The following TMPRSS15 variants were observed in gnomAD, a reference collection of about 807,000 sequenced individuals.
The protein encoded by TMPRSS15 is enteropeptidase.
A neutral mutation model predicts 125.3 loss-of-function variants in TMPRSS15; 128 were observed. The ratio of observed to expected loss-of-function variants is 1.02; its 90% CI spans 0.89 to 1.18. TMPRSS15 has a LOEUF of 1.18. Among genes scored for constraint, TMPRSS15 ranks in the 50% most tolerant of loss-of-function variants. The probability of loss-of-function intolerance (pLI) is 0.00; values close to 1 mark genes in which losing one functional copy is unlikely to be tolerated. For missense variants in TMPRSS15, 1,283 were observed against 1,212.7 expected, an observed-to-expected ratio of 1.06 and a Z score of -0.86; for synonymous variants, 446 against 423.2, an observed-to-expected ratio of 1.05 and a Z score of -0.66.
intron 13 of TMPRSS15, among the ~76,000 whole-genome samples, chr21:18,333,984 C>T (rs2075368159): frequency 6.6e-6 from 1 of 151,742 alleles, no homozygotes; most frequent in Admixed American, 6.6e-5. Context: ...TAAATATATT[C>T]TTTTCTATTA....
intron 3 of TMPRSS15, among the ~76,000 whole-genome samples, chr21:18,395,107 G>A (rs1163522664): frequency 6.6e-6 from 1 of 152,106 alleles, no homozygotes; most frequent in African/African-American, 2.4e-5. Flanking sequence ...ACTAAAGGTG[G>A]AAGCACAGGG....
intron 21 of TMPRSS15, among the ~76,000 whole-genome samples, chr21:18,292,930 G>C (rs1020411038): frequency 6.6e-6 from 1 of 152,104 alleles, no homozygotes; most frequent in African/African-American, 2.4e-5. Flanking sequence ...TTTAGTTAAG[G>C]GAGAGGCTGC....
intron 3 of TMPRSS15, among the ~76,000 whole-genome samples, chr21:18,387,612 TACACACACAC>T (rs57708622): frequency 0.56 from 81,842 of 144,986 alleles, 22,765 homozygotes; most frequent in East Asian, 0.83. Context: ...CACACACACA[TACACACACAC>T]ACACACACAC....
chr21:18,396,724 A>T (rs993983936), intron 3 of TMPRSS15, among the ~76,000 whole-genome samples: 3 of 149,814 alleles, frequency 2.0e-5, no homozygotes, highest in Non-Finnish European at 4.4e-5. Flanking sequence ...CAGTGAGCTG[A>T]GATCACGCCA....
rs75353009 is a variant in TMPRSS15, at chr21:18,396,804, G to A, written c.344+1075C>T. ...AAAAAAAAAAAAAATCTGTCTGTCT[G>A]TCTGTCTATCTATCTATCTATCTAT... On this transcript the variant is annotated intron_variant, in intron 3 of 24. Coordinates refer to ENST00000284885, the MANE Select transcript of TMPRSS15 (RefSeq NM_002772.3). Among the ~76,000 whole-genome samples, 325 of 96,534 alleles carry A rather than the reference G, an allele frequency of 3.4e-3. 3 individuals are homozygous for A. Among genetic ancestry groups the A allele is most frequent in the East Asian group, 0.012 (19 of 1,616 alleles). 63.3% of individuals were successfully genotyped at this position (96,534 alleles called of 152,430 possible).
chr21:18,367,159 A>G (rs1015835480), intron 6 of TMPRSS15, among the ~76,000 whole-genome samples: 5 of 152,140 alleles, frequency 3.3e-5, no homozygotes, highest in African/African-American at 1.2e-4. Context: ...TTCCAGAAGA[A>G]AAAAAGAACG....
chr21:18,405,016 T>C (rs930381955), upstream of TMPRSS15, among the ~76,000 whole-genome samples: 21 of 152,120 alleles, frequency 1.4e-4, no homozygotes, highest in Non-Finnish European at 2.8e-4. Context: ...CCAGACCCTC[T>C]GATAAAATTG....
At chr21:18,394,515 TTCTCTCTCTC>T (rs373272853) in intron 3 of TMPRSS15, among the ~76,000 whole-genome samples, 1 of 148,640 alleles carries the variant, frequency 6.7e-6, no homozygotes, top group Admixed American at 6.7e-5. Flanking sequence ...ATGTATGGCA[TTCTCTCTCTC>T]TCTCTCTGTC....
intron 3 of TMPRSS15, among the ~76,000 whole-genome samples, chr21:18,387,979 C>T (rs1317244884): frequency 3.3e-5 from 5 of 151,864 alleles, no homozygotes; most frequent in Non-Finnish European, 5.9e-5. Flanking sequence ...GAGTGGAATA[C>T]GTATATTTGT....
In TMPRSS15 at chr21:18,413,274, T is replaced by TTTTCTTTTTC. The variant is rs1443279860; in HGVS notation, c.11-14955_11-14946dup. Among the ~76,000 whole-genome samples, 19 of 108,042 alleles carry TTTTCTTTTTC rather than the reference T, an allele frequency of 1.8e-4. No individual in the cohort carries two copies. The East Asian group carries it at 6.6e-3, about 37-fold the overall frequency. The allele number at this position is 108,042 out of a possible 152,430, so 70.9% of individuals were successfully genotyped here. A position where few individuals can be genotyped will look rare whatever the true frequency, so the allele number is the denominator to read the frequency against. ...CCTTCCTTTCTTTCTTTCTCTTTCT[T>TTTTCTTTTTC]TTTCTTTTTCTTTCTTTCTTTTCTT... On this transcript the variant is annotated intron_variant, in intron 1 of 7. Coordinates refer to the TMPRSS15 transcript ENST00000422787.
intron 22 of TMPRSS15, among the ~76,000 whole-genome samples, chr21:18,280,584 A>ACAAACAAAC (rs1394310514): frequency 2.7e-5 from 4 of 146,562 alleles, no homozygotes; most frequent in African/African-American, 1.1e-4. Flanking sequence ...TCAAAAAAAA[A>ACAAACAAAC]AAAAAAAAAA....
At chr21:18,405,077 A>G (rs2076140144), upstream of TMPRSS15, among the ~76,000 whole-genome samples, 1 of 152,136 alleles carries the variant, frequency 6.6e-6, no homozygotes, top group South Asian at 2.1e-4. Flanking sequence ...TGAAAGCACA[A>G]TGACTGTTTT....
At chr21:18,298,834 C>T (rs1332514691) in intron 18 of TMPRSS15, among the ~76,000 whole-genome samples, 2 of 152,116 alleles carry the variant, frequency 1.3e-5, no homozygotes, top group Non-Finnish European at 2.9e-5. Context: ...CAACACTGAC[C>T]CTTTTCTGTC....
chr21:18,462,702 A>G (rs78561012), intron 1 of TMPRSS15, among the ~76,000 whole-genome samples: 1 of 152,112 alleles, frequency 6.6e-6, no homozygotes, highest in Non-Finnish European at 1.5e-5. Flanking sequence ...TCAAAAAAAA[A>G]TTGCTTGCCT....
chr21:18,355,275 G>A (rs1204622073), intron 8 of TMPRSS15, among the ~76,000 whole-genome samples: 1 of 151,584 alleles, frequency 6.6e-6, no homozygotes, highest in Admixed American at 6.6e-5. Flanking sequence ...TTGGACAATG[G>A]CCTCTGGCTG....
chr21:18,371,634 G>A (rs556716020), intron 6 of TMPRSS15, among the ~76,000 whole-genome samples: 1 of 152,234 alleles, frequency 6.6e-6, no homozygotes, highest in South Asian at 2.1e-4. Context: ...TTTTACTTAT[G>A]AGGCATTAAG....
intron 1 of TMPRSS15, among the ~76,000 whole-genome samples, chr21:18,423,758 C>T (rs1601458084): frequency 6.6e-6 from 1 of 152,132 alleles, no homozygotes; most frequent in South Asian, 2.1e-4. Context: ...GTTCCGCTTC[C>T]CTAGTGATAC....
At chr21:18,427,849 G>C (rs548498980) in intron 1 of TMPRSS15, among the ~76,000 whole-genome samples, 190 of 688 alleles carry the variant, frequency 0.28, no homozygotes, top group South Asian at 0.49. Context: ...TTGAAGCTTT[G>C]ATAAGTCTTA....
At chr21:18,385,635 GAT>G (rs1279072777) in intron 3 of TMPRSS15, among the ~76,000 whole-genome samples, 1 of 152,172 alleles carries the variant, frequency 6.6e-6, no homozygotes, top group Non-Finnish European at 1.5e-5. Context: ...ATAAGCCAAA[GAT>G]AGCGTAGCAG....
Sources: allele counts gnomAD v4.1 joint callset (sites outside exome capture counted in the v4.1 genomes callset), GRCh38; gene constraint gnomAD v4.1.1; transcripts MANE v1.5; gene names NCBI Gene and HGNC (gene_info 2026-07-23, HGNC 2026-07-21).